Variants in NTM observed in about 807,000 individuals in gnomAD.
NTM encodes IgLON family member 2.
In NTM, 13 loss-of-function variants were observed where a neutral mutation model predicts 42.1. That is an observed-to-expected ratio of 0.31 (90% CI 0.20 to 0.49). NTM has a LOEUF of 0.49. NTM is among the 20% of genes least tolerant of loss of function. The pLI is 0.99. For synonymous variants in NTM, 187 were observed against 179.2 expected (o/e 1.04, Z -0.35); for missense variants, 373 against 452.8 (o/e 0.82, Z 1.60).
At chr11:132,086,761 C>A (rs2059769124) in intron 2 of NTM, among the ~76,000 whole-genome samples, 1 of 152,162 alleles carries the variant, frequency 6.6e-6, no homozygotes, top group Non-Finnish European at 1.5e-5. Flanking sequence ...GCCAAAAGTC[C>A]AACAGGTAAA....
intron 1 of NTM, among the ~76,000 whole-genome samples, chr11:131,807,682 G>A (rs930759022): frequency 2.0e-5 from 3 of 152,124 alleles, no homozygotes; most frequent in African/African-American, 7.2e-5. Flanking sequence ...AACACAGAAG[G>A]CAAGTCTCAC....
At chr11:131,543,704 C>A (rs1475646871) in intron 1 of NTM, among the ~76,000 whole-genome samples, 1 of 152,202 alleles carries the variant, frequency 6.6e-6, no homozygotes, top group East Asian at 1.9e-4. Flanking sequence ...CAGAGAAGCA[C>A]AGGTTCGAGC....
intron 2 of NTM, among the ~76,000 whole-genome samples, chr11:132,105,536 C>T (rs1392872018): frequency 2.6e-5 from 4 of 152,038 alleles, no homozygotes; most frequent in African/African-American, 7.2e-5. Flanking sequence ...AGGAAGACCA[C>T]GGTAAGCAGG....
At chr11:131,710,497 G>A (rs1380637694) in intron 1 of NTM, among the ~76,000 whole-genome samples, 7 of 152,098 alleles carry the variant, frequency 4.6e-5, no homozygotes, top group Non-Finnish European at 1.0e-4. Flanking sequence ...GCTCTGTACT[G>A]AAATCTTATT....
chr11:131,481,896 G>A (rs750983011), intron 1 of NTM, among the ~76,000 whole-genome samples: 1 of 152,240 alleles, frequency 6.6e-6, no homozygotes, highest in Non-Finnish European at 1.5e-5. Flanking sequence ...AGCATGTTAA[G>A]TTCCCACTAG....
chr11:132,092,522 G>T, intron 2 of NTM, among the ~76,000 whole-genome samples: 1 of 152,134 alleles, frequency 6.6e-6, no homozygotes, highest in East Asian at 1.9e-4. Flanking sequence ...GTCTTTCATG[G>T]TGTTCTTTGG....
At chr11:131,513,735 C>T (rs1263249886) in intron 1 of NTM, among the ~76,000 whole-genome samples, 2 of 152,206 alleles carry the variant, frequency 1.3e-5, no homozygotes, top group Admixed American at 6.5e-5. Flanking sequence ...TCCCTGGCTG[C>T]ATCCACAGAG....
chr11:131,711,553 C>A (rs1036894300), intron 1 of NTM, among the ~76,000 whole-genome samples: 1 of 152,166 alleles, frequency 6.6e-6, no homozygotes, highest in African/African-American at 2.4e-5. Flanking sequence ...CTAATTCAAC[C>A]ATTGTGGAAG....
intron 4 of NTM, among the ~76,000 whole-genome samples, chr11:132,239,429 G>C (rs1376696522): frequency 6.6e-6 from 1 of 152,128 alleles, no homozygotes; most frequent in Non-Finnish European, 1.5e-5. Flanking sequence ...TTTTAAAAAT[G>C]GTTTATTAGA....
chr11:131,984,017 A>C (rs1412417172), intron 2 of NTM, among the ~76,000 whole-genome samples: 1 of 152,264 alleles, frequency 6.6e-6, no homozygotes, highest in Non-Finnish European at 1.5e-5. Flanking sequence ...GTAGAGCCAA[A>C]GAAAAGGAAT....
At position 132,274,323 on chromosome 11, in the gene NTM, C is replaced by G. The variant is rs537522507; in HGVS notation, c.527-33366C>G. ...TTTAGGTTATTGATTTAAGGTCACT[C>G]TCTTTTTTTTAATATTATAGACATT... On this transcript the variant is annotated intron_variant, in intron 4 of 8. Transcript: ENST00000683400. 1.7e-4 allele frequency among the ~76,000 whole-genome samples: 26 copies of G among 151,918 alleles called. No homozygotes were observed. In the South Asian group the frequency reaches 4.0e-3, roughly 23 times the overall value.
intron 2 of NTM, among the ~76,000 whole-genome samples, chr11:131,985,001 C>G (rs1565884760): frequency 6.6e-6 from 1 of 152,018 alleles, no homozygotes; most frequent in Non-Finnish European, 1.5e-5. Context: ...TTTTTTTAAT[C>G]TTCTTCCTGA....
intron 1 of NTM, among the ~76,000 whole-genome samples, chr11:131,557,010 T>G (rs2136961492): frequency 6.6e-6 from 1 of 151,808 alleles, no homozygotes; most frequent in Admixed American, 6.6e-5. Flanking sequence ...CGTGTGTGTT[T>G]GTGTGTGTGT....
At chr11:131,671,407 A>G in intron 1 of NTM, 5 of 984,960 alleles carry the variant, frequency 5.1e-6, no homozygotes, top group Non-Finnish European at 6.0e-6. Context: ...TTACCTGCAT[A>G]TTCACAGGAT....
chr11:131,731,073 T>C (rs1490713071), intron 1 of NTM, among the ~76,000 whole-genome samples: 1 of 152,202 alleles, frequency 6.6e-6, no homozygotes, highest in African/African-American at 2.4e-5. Flanking sequence ...TCTCTTATGA[T>C]TTTTTATGCT....
intron 1 of NTM, among the ~76,000 whole-genome samples, chr11:131,654,969 G>A (rs1048395693): frequency 6.6e-6 from 1 of 152,058 alleles, no homozygotes; most frequent in Non-Finnish European, 1.5e-5. Context: ...AAAATCTCAG[G>A]CCACATGCAC....
intron 1 of NTM, among the ~76,000 whole-genome samples, chr11:131,635,224 A>G (rs191263095): frequency 6.6e-6 from 1 of 152,302 alleles, no homozygotes; most frequent in Non-Finnish European, 1.5e-5. Context: ...CCTTCTCAAG[A>G]AGAGCCTTAG....
In NTM at chr11:131,699,633, C is replaced by G. The variant is rs1183687835; in HGVS notation, c.83-211931C>G. ...TTAGTTGACTCACAGTTCAGCAGGG[C>G]TGGGGAGGCCTCAGGCAGCTTACAA... On this transcript the variant is annotated intron_variant, in intron 1 of 8. Coordinates refer to ENST00000683400, the MANE Select transcript of NTM (RefSeq NM_001352005.2). Among the ~76,000 whole-genome samples, 6 of 152,078 alleles carry G rather than the reference C, an allele frequency of 3.9e-5. No homozygotes were observed. The East Asian group carries it at 1.2e-3, about 29-fold the overall frequency.
At chr11:131,884,401 C>T (rs2050039051) in intron 1 of NTM, among the ~76,000 whole-genome samples, 1 of 151,884 alleles carries the variant, frequency 6.6e-6, no homozygotes. Context: ...AAGAGCAAAA[C>T]TCCATCTCAA....
Sources: allele counts gnomAD v4.1 joint callset (sites outside exome capture counted in the v4.1 genomes callset), GRCh38; gene constraint gnomAD v4.1.1; transcripts MANE v1.5; gene names NCBI Gene and HGNC (gene_info 2026-07-23, HGNC 2026-07-21).